The following CIITA variants were observed in gnomAD, a reference collection of about 807,000 sequenced individuals.
CIITA encodes class II major histocompatibility complex transactivator, also known as MHC class II transactivator.
In CIITA, 72 loss-of-function variants were observed where a neutral mutation model predicts 115.1. The ratio of observed to expected loss-of-function variants is 0.63; its 90% confidence interval spans 0.52 to 0.76. The LOEUF (loss-of-function observed/expected upper bound fraction) is 0.76, where lower values mean the gene tolerates loss of function less well. CIITA is among the 30% of genes least tolerant of loss of function. CIITA has a pLI of 0.00. For missense variants in CIITA, 1,617 were observed against 1,463.8 expected, an observed-to-expected ratio of 1.10 and a Z score of -1.71; for synonymous variants, 763 against 635.6, an observed-to-expected ratio of 1.20 and a Z score of -3.02.
At position 10,907,886 on chromosome 16, in the gene CIITA, G is replaced by C. The variant is rs2229320; in HGVS notation, c.2394G>C (p.Pro798=). 6.2e-7 allele frequency: 1 copy of C among 1,600,344 alleles called. No individual in the cohort carries two copies. Among genetic ancestry groups the C allele is most frequent in the Non-Finnish European group, 8.5e-7 (1 of 1,172,922 alleles). ...CGAGGTACCTGAAGCGGCTGCAGCC[G>C]GGGACACTGCGGGCGCGGCAGCTGC... The part of the protein sequence containing the change: ...VLARYLKRLQ[P]GTLRARQLLE... Residue 798 remains proline, a synonymous_variant, in exon 11 of 20, where the codon CCG becomes CCC. Transcript: ENST00000324288. This position sits in a 1 kb window ranked among gnomAD's most constrained non-coding sequence, Gnocchi z 5.0.
chr16:10,900,479 T>C (rs1235450057), intron 5 of CIITA, among the ~76,000 whole-genome samples: 3 of 151,752 alleles, frequency 2.0e-5, no homozygotes, highest in African/African-American at 4.8e-5. Flanking sequence ...GTGGCTCACA[T>C]CTGTAATCCC....
intron 1 of CIITA, among the ~76,000 whole-genome samples, chr16:10,877,660 T>C (rs1347557802): frequency 6.6e-6 from 1 of 152,118 alleles, no homozygotes; most frequent in Non-Finnish European, 1.5e-5. Flanking sequence ...TCACTAACTC[T>C]CAGCATGCTG....
chr16:10,914,609 C>T (rs900127857), intron 13 of CIITA, among the ~76,000 whole-genome samples: 1 of 152,148 alleles, frequency 6.6e-6, no homozygotes, highest in African/African-American at 2.4e-5. Context: ...TTAAACTAAA[C>T]GGCCCTTCGT....
At position 10,898,520 on chromosome 16, in the gene CIITA, T is replaced by C. The variant is rs2038369327; in HGVS notation, c.296-150T>C. 1.7e-5 allele frequency: 9 copies of C among 539,120 alleles called. No individual in the cohort carries two copies. The East Asian group carries it at 3.1e-4, about 19-fold the overall frequency. 33.4% of individuals were successfully genotyped at this position (539,120 alleles called of 1,614,324 possible). ...AGGGCCCCTGGAGTGTCAGTGTTCA[T>C]TCATTTGTTTGATCATTCATTCATT... is the stretch of plus-strand genomic sequence containing the variant. On this transcript the variant is annotated intron_variant, in intron 3 of 19. Coordinates refer to ENST00000324288, the MANE Select transcript of CIITA (RefSeq NM_000246.4).
intron 1 of CIITA, among the ~76,000 whole-genome samples, chr16:10,885,191 C>T (rs1012788728): frequency 1.3e-5 from 2 of 152,198 alleles, no homozygotes; most frequent in African/African-American, 4.8e-5. Flanking sequence ...CGACTGGATT[C>T]AACTTTTGAT....
rs2040520238 is a variant in CIITA at position 10,926,073 on chromosome 16, G to T, written c.*2218G>T. 2 of 152,256 alleles carry T rather than the reference G, an allele frequency of 1.3e-5. No homozygotes were observed. The highest frequency in any genetic ancestry group is 6.5e-5 in the Admixed American group (1 of 15,284). The allele number at this position is 152,256 out of a possible 1,614,324, so 9.4% of individuals were successfully genotyped here. A position where few individuals can be genotyped will look rare whatever the true frequency, so the allele number is the denominator to read the frequency against. Reference sequence around the variant, plus strand: ...CAAGACATCTTAGCTTACTCCTGGTGGCAGTGGGAGCTGCCTGTTCAGCTC... The same window carrying T: ...CAAGACATCTTAGCTTACTCCTGGTTGCAGTGGGAGCTGCCTGTTCAGCTC... On this transcript the variant is annotated 3_prime_UTR_variant, in exon 20 of 20. Coordinates refer to ENST00000324288, the MANE Select transcript of CIITA (RefSeq NM_000246.4).
intron 11 of CIITA, chr16:10,908,681 G>C: frequency 3.9e-6 from 2 of 516,240 alleles, no homozygotes; most frequent in South Asian, 2.1e-5. Flanking sequence ...TCATTAAGTC[G>C]GTCTGCAATC....
Position 10,942,267 on chromosome 16 carries a change from C to T in CIITA, n.1393C>T, listed in dbSNP as rs373494675. On this transcript the variant is annotated non_coding_transcript_exon_variant, in exon 2 of 2. Coordinates refer to the CIITA transcript ENST00000573379. The surrounding 1 kb of genome is among the most constrained non-coding windows in gnomAD (Gnocchi z 5.0). Reference sequence around the variant, plus strand: ...CGGGCCCCCCTGAAGTGGCCCGCGGCTGCCCGGCTCCCTCGTGGCGCCTCC... The same window carrying T: ...CGGGCCCCCCTGAAGTGGCCCGCGGTTGCCCGGCTCCCTCGTGGCGCCTCC... 2.6e-5 allele frequency: 9 copies of T among 342,404 alleles called. No homozygotes were observed. In the East Asian group the frequency reaches 4.3e-4, roughly 16 times the overall value. 21.2% of individuals were successfully genotyped at this position (342,404 alleles called of 1,614,324 possible).
chr16:10,885,482 C>T lies in CIITA; in HGVS notation c.52+8100C>T, dbSNP rs56173864. 3.3e-3 allele frequency among the ~76,000 whole-genome samples: 508 copies of T among 152,298 alleles called. 6 individuals carry two copies. Among genetic ancestry groups the T allele is most frequent in the African/African-American group, 0.011 (477 of 41,566 alleles). ...TTGCTACATGCCTTAGTTTCCTCTC[C>T]GTCTCCTGTGACCTCCTCGTGCCAC... is the stretch of plus-strand genomic sequence containing the variant. On this transcript the variant is annotated intron_variant, in intron 1 of 19. Transcript: ENST00000324288.
intron 1 of CIITA, among the ~76,000 whole-genome samples, chr16:10,880,139 G>A (rs371259131): frequency 6.6e-5 from 10 of 152,338 alleles, no homozygotes; most frequent in African/African-American, 2.4e-4. Flanking sequence ...GGCTCCCTTA[G>A]GGGATGACCT....
chr16:10,916,282 G>C, intron 14 of CIITA, 85 bp from the exon 15 acceptor site: 1 of 1,288,726 alleles, frequency 7.8e-7, no homozygotes, highest in Non-Finnish European at 1.1e-6. Context: ...GCAGGTGCCA[G>C]GGCTGAGGAG....
intron 15 of CIITA, chr16:10,916,677 T>C (rs1246726598): frequency 1.7e-6 from 1 of 579,794 alleles, no homozygotes; most frequent in Non-Finnish European, 3.1e-6. Context: ...AGGTGTGACT[T>C]ACCATGCCCA....
chr16:10,868,379 G>A (rs989712138), intron 1 of CIITA, among the ~76,000 whole-genome samples: 10 of 152,146 alleles, frequency 6.6e-5, no homozygotes, highest in Admixed American at 4.6e-4. Flanking sequence ...GCATTTTGGC[G>A]GCCTTATCTT....
At position 10,918,512 on chromosome 16, in the gene CIITA, C is replaced by G; in HGVS notation, c.3135C>G (p.Ser1045=). Residue 1045 remains serine, a synonymous_variant, in exon 16 of 20, where the codon TCC becomes TCG. Transcript: ENST00000324288. ...LAEALPSLAA[S]LLRLSLYNNC... The stretch of plus-strand genomic sequence containing the variant: ...AGGCCCTGCCTTCGCTCGCTGCATC[C>G]CTGCTCAGGCTAAGGTGAGTGGGGC... 1 of 1,614,104 alleles carries G rather than the reference C, an allele frequency of 6.2e-7. No individual in the cohort carries two copies. The highest frequency in any genetic ancestry group is 8.5e-7 in the Non-Finnish European group (1 of 1,180,022).
intron 13 of CIITA, 136 bp from the exon 14 acceptor site, chr16:10,915,434 A>G: frequency 2.7e-6 from 2 of 734,268 alleles, no homozygotes; most frequent in East Asian, 5.2e-5. Flanking sequence ...CAGGGACCTA[A>G]GAGGCTGGGG....
upstream of CIITA, among the ~76,000 whole-genome samples, chr16:10,875,731 C>T (rs2035789309): frequency 6.6e-6 from 1 of 152,108 alleles, no homozygotes; most frequent in African/African-American, 2.4e-5. Context: ...GAGTGTATTT[C>T]ATGATCATAG....
upstream of CIITA, among the ~76,000 whole-genome samples, chr16:10,873,411 G>T (rs764260942): frequency 5.3e-5 from 8 of 152,190 alleles, no homozygotes; most frequent in Non-Finnish European, 7.3e-5. Context: ...AAGTTGTATT[G>T]CCAAATAATG....
chr16:10,916,189 C>G (rs1447906534), intron 14 of CIITA, among the ~76,000 whole-genome samples, 178 bp from the exon 15 acceptor site: 1 of 152,136 alleles, frequency 6.6e-6, no homozygotes, highest in East Asian at 1.9e-4. Flanking sequence ...CTGGTTGGAG[C>G]CCCCAGGTGA....
intron 16 of CIITA, among the ~76,000 whole-genome samples, chr16:10,919,305 G>A (rs894031219): frequency 6.6e-6 from 1 of 151,328 alleles, no homozygotes; most frequent in African/African-American, 2.4e-5. Context: ...CAAGCTATTC[G>A]CCTGCCTCAG....
Sources: gnomAD v4.1 joint callset for allele counts (sites outside exome capture counted in the v4.1 genomes callset) on GRCh38, gnomAD v4.1.1 for gene constraint, Gnocchi (gnomAD v3.1) non-coding constraint, MANE v1.5 for transcripts, NCBI Gene and HGNC (gene_info 2026-07-23, HGNC 2026-07-21) for gene names.